B3GALT1: variants seen among roughly 807,000 people sequenced by gnomAD.
The protein encoded by B3GALT1 is beta-1,3-galactosyltransferase 1.
In B3GALT1, 10 loss-of-function variants were observed where a neutral mutation model predicts 23.2. The observed-to-expected ratio is 0.43, with a 90% confidence interval of 0.27 to 0.73. The LOEUF is 0.73. Among genes scored for constraint, B3GALT1 ranks in the 30% least tolerant of loss-of-function variants. B3GALT1 has a pLI of 0.21. For missense variants in B3GALT1, 299 were observed against 405.4 expected, an observed-to-expected ratio of 0.74 and a Z score of 2.25; for synonymous variants, 156 against 141.5, an observed-to-expected ratio of 1.10 and a Z score of -0.73.
rs1322709921 is a variant in B3GALT1 at position 167,520,512 on chromosome 2, T to G, written c.-410+30235T>G. 1.1e-4 allele frequency among the ~76,000 whole-genome samples: 16 copies of G among 152,150 alleles called. 1 individual carries two copies. The highest frequency in any genetic ancestry group is 1.0e-3 in the Admixed American group (16 of 15,260). On this transcript the variant is annotated intron_variant, in intron 2 of 4. Transcript: ENST00000392690. ...TTCTTCCTAAATCTTTGGCTCTTTT[T>G]CTCAAAACACTCATAATATGCAGCT...
chr2:167,583,231 T>C (rs1275047383), intron 2 of B3GALT1, among the ~76,000 whole-genome samples: 1 of 152,092 alleles, frequency 6.6e-6, no homozygotes, highest in East Asian at 1.9e-4. Flanking sequence ...TTTCCTTTTG[T>C]CCCCCCTTGT....
intron 3 of B3GALT1, among the ~76,000 whole-genome samples, chr2:167,771,421 C>G (rs1455536622): frequency 6.6e-6 from 1 of 152,048 alleles, no homozygotes; most frequent in East Asian, 1.9e-4. Flanking sequence ...GAAACCCCAT[C>G]TCAATTTAAA....
chr2:167,843,854 G>A (rs1387057242), intron 4 of B3GALT1, among the ~76,000 whole-genome samples: 3 of 152,324 alleles, frequency 2.0e-5, no homozygotes, highest in Middle Eastern at 3.4e-3. Context: ...AGTATGATCT[G>A]AGGACTCCAG....
chr2:167,563,489 G>A (rs867022776), intron 2 of B3GALT1, among the ~76,000 whole-genome samples: 8 of 85,918 alleles, frequency 9.3e-5, no homozygotes, highest in Non-Finnish European at 1.1e-4. Context: ...GGGCGGCCGG[G>A]CAGAGGCGCC....
At chr2:167,740,097 T>TATAA (rs1298082564) in intron 3 of B3GALT1, among the ~76,000 whole-genome samples, 2 of 136,022 alleles carry the variant, frequency 1.5e-5, no homozygotes, top group Non-Finnish European at 3.2e-5. Flanking sequence ...GGACTCTGTC[T>TATAA]CTAAATAAAT....
chr2:167,773,545 A>G (rs1398776741), intron 3 of B3GALT1, among the ~76,000 whole-genome samples: 1 of 152,214 alleles, frequency 6.6e-6, no homozygotes, highest in African/African-American at 2.4e-5. Context: ...GAAGGAAGAA[A>G]TTAACTGCAG....
chr2:167,335,558 A>C (rs1697044975), intron 1 of B3GALT1, among the ~76,000 whole-genome samples: 1 of 152,146 alleles, frequency 6.6e-6, no homozygotes. Flanking sequence ...TTTCCGGGGA[A>C]GGGGGTGGGC....
chr2:167,570,195 CT>C (rs1195346077), intron 2 of B3GALT1, among the ~76,000 whole-genome samples: 1 of 151,806 alleles, frequency 6.6e-6, no homozygotes, highest in Non-Finnish European at 1.5e-5. Flanking sequence ...TTAAGAATTA[CT>C]TTCTCTGCTT....
At chr2:167,463,639 A>G (rs1011303068) in intron 1 of B3GALT1, among the ~76,000 whole-genome samples, 6 of 152,170 alleles carry the variant, frequency 3.9e-5, no homozygotes, top group Non-Finnish European at 4.4e-5. Context: ...TCTGCCAACA[A>G]AAGTCCCAAC....
chr2:167,382,830 G>C (rs2105277259), intron 1 of B3GALT1, among the ~76,000 whole-genome samples: 1 of 152,162 alleles, frequency 6.6e-6, no homozygotes, highest in Admixed American at 6.5e-5. Context: ...AACTTTAGAG[G>C]CTGTACTTTA....
chr2:167,527,000 A>G (rs1373220181), intron 2 of B3GALT1, among the ~76,000 whole-genome samples: 2 of 152,140 alleles, frequency 1.3e-5, no homozygotes, highest in East Asian at 1.9e-4. Context: ...TTCCTAATTC[A>G]TTTAAATAAA....
chr2:167,852,546 C>A (rs1245041208), intron 4 of B3GALT1, among the ~76,000 whole-genome samples: 1 of 151,432 alleles, frequency 6.6e-6, no homozygotes, highest in Non-Finnish European at 1.5e-5. Flanking sequence ...TTCCTAAACA[C>A]AGGAACTTTT....
At chr2:167,623,128 G>T (rs1277799307) in intron 2 of B3GALT1, among the ~76,000 whole-genome samples, 3 of 152,126 alleles carry the variant, frequency 2.0e-5, no homozygotes, top group African/African-American at 7.2e-5. Context: ...AACAGATGCT[G>T]GAGAGGATGT....
At chr2:167,362,601 G>C (rs1293533924) in intron 1 of B3GALT1, among the ~76,000 whole-genome samples, 1 of 151,620 alleles carries the variant, frequency 6.6e-6, no homozygotes, top group East Asian at 1.9e-4. Context: ...TGTCCCCGTT[G>C]TCTCTTGCTG....
At chr2:167,581,048 A>AC (rs1475077487) in intron 2 of B3GALT1, among the ~76,000 whole-genome samples, 3 of 152,158 alleles carry the variant, frequency 2.0e-5, no homozygotes, top group Admixed American at 2.0e-4. Flanking sequence ...TATAAGAAAT[A>AC]CCTTATTTAT....
intron 3 of B3GALT1, among the ~76,000 whole-genome samples, chr2:167,729,956 G>A (rs763105848): frequency 6.6e-6 from 1 of 152,094 alleles, no homozygotes; most frequent in Non-Finnish European, 1.5e-5. Flanking sequence ...AATTCCAGGG[G>A]GTGTGAGTTT....
At chr2:167,643,404 C>A (rs1242209674) in intron 2 of B3GALT1, among the ~76,000 whole-genome samples, 1 of 152,012 alleles carries the variant, frequency 6.6e-6, no homozygotes, top group African/African-American at 2.4e-5. Context: ...CATTGCTGGC[C>A]AGAGAGGTGC....
chr2:167,381,070 T>A (rs1224563065), intron 1 of B3GALT1, among the ~76,000 whole-genome samples: 1 of 152,116 alleles, frequency 6.6e-6, no homozygotes, highest in African/African-American at 2.4e-5. Context: ...GGGTTTTTTT[T>A]ATTTGTTTAT....
rs1442716279 is a variant in B3GALT1 at position 167,871,479 on chromosome 2, T to C, written c.*1459T>C. The C allele has an allele frequency of 6.6e-6, 1 of 152,188 alleles. No individual in the cohort carries two copies. Among genetic ancestry groups the C allele is most frequent in the East Asian group, 1.9e-4 (1 of 5,198 alleles). 9.4% of individuals were successfully genotyped at this position (152,188 alleles called of 1,614,324 possible). ...GCACCTAATTCTACCAAGGCTTGAC[T>C]TTTCCTTGGCTGTAATTTAGGTGTT... On this transcript the variant is annotated 3_prime_UTR_variant, in exon 5 of 5. Transcript: ENST00000392690.
Sources: allele counts gnomAD v4.1 joint callset (sites outside exome capture counted in the v4.1 genomes callset), GRCh38; gene constraint gnomAD v4.1.1; transcripts MANE v1.5; gene names NCBI Gene and HGNC (gene_info 2026-07-23, HGNC 2026-07-21).